The following FUT9 variants were observed in gnomAD, a reference collection of about 807,000 sequenced individuals.
FUT9 encodes fucosyltransferase 9.
A neutral mutation model predicts 29.7 loss-of-function variants in FUT9; 15 were observed. The ratio of observed to expected loss-of-function variants is 0.51; its 90% CI spans 0.34 to 0.78. FUT9 has a LOEUF of 0.78. Ranked by LOEUF, FUT9 falls within the 30% of genes least tolerant of loss-of-function variation. The pLI, the probability that FUT9 is intolerant of heterozygous loss-of-function variation, is 0.01. For missense variants in FUT9, 319 were observed against 425.4 expected, an observed-to-expected ratio of 0.75 and a Z score of 2.20; for synonymous variants, 169 against 153.7, an observed-to-expected ratio of 1.10 and a Z score of -0.74.
At chr6:96,141,344 C>G (rs188901916) in intron 2 of FUT9, among the ~76,000 whole-genome samples, 2 of 152,260 alleles carry the variant, frequency 1.3e-5, no homozygotes, top group East Asian at 3.9e-4. Flanking sequence ...AAAAAGCATT[C>G]CACAATCAAA....
intron 2 of FUT9, among the ~76,000 whole-genome samples, chr6:96,116,399 T>G (rs1428464823): frequency 6.6e-6 from 1 of 152,216 alleles, no homozygotes; most frequent in Non-Finnish European, 1.5e-5. Context: ...AATGCTTACT[T>G]AATATATGAT....
At chr6:96,028,432 CTT>C (rs1479480930) in intron 1 of FUT9, among the ~76,000 whole-genome samples, 5 of 151,596 alleles carry the variant, frequency 3.3e-5, no homozygotes, top group East Asian at 1.9e-4. Context: ...TAAACAAAGA[CTT>C]AATATCAACT....
chr6:96,051,272 C>G (rs1314205487), intron 1 of FUT9, among the ~76,000 whole-genome samples: 2 of 152,000 alleles, frequency 1.3e-5, no homozygotes, highest in African/African-American at 4.8e-5. Flanking sequence ...CATTTTTACC[C>G]TATGAAATAG....
At chr6:96,160,382 T>C (rs1294226363) in intron 2 of FUT9, among the ~76,000 whole-genome samples, 3 of 152,162 alleles carry the variant, frequency 2.0e-5, no homozygotes, top group African/African-American at 7.2e-5. Context: ...GCAGAATAAA[T>C]AGCTTTGATT....
intron 1 of FUT9, among the ~76,000 whole-genome samples, chr6:96,027,315 C>G (rs1770185436): frequency 6.6e-6 from 1 of 151,660 alleles, no homozygotes. Flanking sequence ...TATTCTAACC[C>G]TGCATTAGAA....
intron 1 of FUT9, among the ~76,000 whole-genome samples, chr6:96,091,312 A>G (rs1771408015): frequency 6.6e-6 from 1 of 152,114 alleles, no homozygotes; most frequent in African/African-American, 2.4e-5. Context: ...AAAATAAATT[A>G]GAATATTATT....
chr6:96,089,067 T>A (rs1313800977), intron 1 of FUT9, among the ~76,000 whole-genome samples: 1 of 152,202 alleles, frequency 6.6e-6, no homozygotes, highest in Non-Finnish European at 1.5e-5. Context: ...GTTCCATGAA[T>A]TATGAGAATT....
At chr6:96,156,910 A>G (rs898841750) in intron 2 of FUT9, among the ~76,000 whole-genome samples, 1 of 152,272 alleles carries the variant, frequency 6.6e-6, no homozygotes, top group Non-Finnish European at 1.5e-5. Flanking sequence ...CTGCCTATAC[A>G]TAAAAAACAG....
At chr6:96,057,032 T>G (rs1770784171) in intron 1 of FUT9, among the ~76,000 whole-genome samples, 1 of 152,202 alleles carries the variant, frequency 6.6e-6, no homozygotes, top group Admixed American at 6.5e-5. Context: ...TGATTTTGCC[T>G]ACTCTAGGCT....
At position 96,129,285 on chromosome 6, in the gene FUT9, AAAAAAAACAAAC is replaced by A. The variant is rs1338292757; in HGVS notation, c.-9+15161_-9+15172del. Among the ~76,000 whole-genome samples the A allele has an allele frequency of 7.9e-3, 60 of 7,568 alleles. 1 individual carries two copies. Among genetic ancestry groups the A allele is most frequent in the Non-Finnish European group, 0.035 (28 of 794 alleles). 5.0% of individuals were successfully genotyped at this position (7,568 alleles called of 152,430 possible). On this transcript the variant is annotated intron_variant, in intron 2 of 2. Coordinates refer to ENST00000302103, the MANE Select transcript of FUT9 (RefSeq NM_006581.4). ...GTCTCAAAAAAAAAAAAAAAAAAAA[AAAAAAAACAAAC>A]AACCAGCCATGGTGGCATGTGCCTG...
At chr6:96,178,569 C>G (rs761455737) in intron 2 of FUT9, among the ~76,000 whole-genome samples, 15 of 152,080 alleles carry the variant, frequency 9.9e-5, no homozygotes, top group Admixed American at 3.3e-4. Context: ...GCTAATGAGT[C>G]TCTTCGTCTT....
chr6:96,179,674 G>C (rs897515038), intron 2 of FUT9, among the ~76,000 whole-genome samples: 19 of 152,072 alleles, frequency 1.2e-4, no homozygotes, highest in African/African-American at 4.6e-4. Flanking sequence ...TGAAAGAAAA[G>C]ATGGAATTCT....
chr6:96,105,315 A>G (rs1262690871), intron 1 of FUT9, among the ~76,000 whole-genome samples: 2 of 152,240 alleles, frequency 1.3e-5, no homozygotes, highest in African/African-American at 2.4e-5. Flanking sequence ...TGTATTTAAT[A>G]TAGAAATTGC....
At chr6:96,184,941 A>T (rs4266501) in intron 2 of FUT9, among the ~76,000 whole-genome samples, 1 of 151,884 alleles carries the variant, frequency 6.6e-6, no homozygotes, top group African/African-American at 2.4e-5. Flanking sequence ...TCAAGAACAC[A>T]TTTCTCAAAG....
chr6:96,187,680 A>T (rs6571110), intron 2 of FUT9, among the ~76,000 whole-genome samples: 138,527 of 151,918 alleles, frequency 0.91, 64,520 homozygotes, highest in Non-Finnish European at 1. Context: ...TTATAAAAAT[A>T]TACAGGGAGG....
chr6:96,193,242 A>T, intron 2 of FUT9, among the ~76,000 whole-genome samples: 1 of 138,132 alleles, frequency 7.2e-6, no homozygotes. Context: ...ACAGCCAAAG[A>T]AACTACCATC....
intron 1 of FUT9, among the ~76,000 whole-genome samples, chr6:96,019,374 C>T (rs567024045): frequency 8.4e-4 from 127 of 151,750 alleles, no homozygotes; most frequent in Non-Finnish European, 1.6e-3. Context: ...TGTATTATTA[C>T]GTTTTTATAA....
chr6:96,068,494 CT>C (rs552348015), intron 1 of FUT9, among the ~76,000 whole-genome samples: 255 of 152,204 alleles, frequency 1.7e-3, no homozygotes, highest in Non-Finnish European at 3.0e-3. Context: ...AGTTGGAATT[CT>C]ACAAATAATT....
At chr6:96,191,382 A>T (rs1004736716) in intron 2 of FUT9, among the ~76,000 whole-genome samples, 9 of 152,190 alleles carry the variant, frequency 5.9e-5, no homozygotes, top group Non-Finnish European at 1.2e-4. Context: ...GACGCAATAA[A>T]AAATGTTAAA....
Sources: gnomAD v4.1 joint callset for allele counts (sites outside exome capture counted in the v4.1 genomes callset) on GRCh38, gnomAD v4.1.1 for gene constraint, MANE v1.5 for transcripts, NCBI Gene and HGNC (gene_info 2026-07-23, HGNC 2026-07-21) for gene names.